FBN2: variants seen among roughly 807,000 people sequenced by gnomAD.
FBN2 encodes the protein fibrillin 2, also known as fibrillin-2.
In FBN2, 105 loss-of-function variants were observed where a neutral mutation model predicts 355.6. The observed-to-expected ratio is 0.30, with a 90% CI of 0.25 to 0.35. The LOEUF (loss-of-function observed/expected upper bound fraction) is 0.35, where lower values mean the gene tolerates loss of function less well. FBN2 is among the 10% of genes least tolerant of loss of function. The pLI is 1.00. For missense variants in FBN2, 3,280 were observed against 3,758.7 expected (o/e 0.87, Z 3.33); for synonymous variants, 1,350 against 1,301.2 (o/e 1.04, Z -0.81).
intron 11 of FBN2, among the ~76,000 whole-genome samples, chr5:128,379,525 G>C (rs1321937263): frequency 1.3e-5 from 2 of 151,950 alleles, no homozygotes; most frequent in African/African-American, 4.8e-5. Context: ...TCTTAAAATT[G>C]GCACAGTGAT....
At chr5:128,333,681 C>A (rs201601446) in intron 31 of FBN2, among the ~76,000 whole-genome samples, 2 of 148,868 alleles carry the variant, frequency 1.3e-5, no homozygotes, top group Non-Finnish European at 3.0e-5. Flanking sequence ...TGTGTGTGTG[C>A]GTGTGTGTGT....
chr5:128,323,261 C>T (rs963721526), intron 34 of FBN2, among the ~76,000 whole-genome samples: 9 of 152,122 alleles, frequency 5.9e-5, no homozygotes, highest in Non-Finnish European at 1.0e-4. Context: ...CTTTCTCTTG[C>T]CTGATTGCCC....
chr5:128,279,536 A>T (rs1765480812), intron 56 of FBN2, among the ~76,000 whole-genome samples: 2 of 152,146 alleles, frequency 1.3e-5, no homozygotes, highest in South Asian at 4.1e-4. Context: ...TTGGAATTTG[A>T]AGCATATGAC....
At chr5:128,534,910 G>A (rs1369009829) in intron 2 of FBN2, among the ~76,000 whole-genome samples, 1 of 152,094 alleles carries the variant, frequency 6.6e-6, no homozygotes, top group East Asian at 1.9e-4. Flanking sequence ...CAGACTTTCC[G>A]CCGTGCCTAA....
At chr5:128,377,185 C>G (rs1752101221) in intron 13 of FBN2, among the ~76,000 whole-genome samples, 6 of 152,104 alleles carry the variant, frequency 3.9e-5, no homozygotes, top group Admixed American at 2.0e-4. Context: ...AAGGCAATGG[C>G]AGACCTCACT....
chr5:128,423,259 C>G (rs193252839), intron 7 of FBN2, among the ~76,000 whole-genome samples: 113 of 152,256 alleles, frequency 7.4e-4, no homozygotes, highest in African/African-American at 2.6e-3. Context: ...AGTCCGTTCT[C>G]ACACTGCTAA....
chr5:128,499,303 G>C (rs535203990), intron 5 of FBN2, among the ~76,000 whole-genome samples: 1 of 152,238 alleles, frequency 6.6e-6, no homozygotes, highest in South Asian at 2.1e-4. Flanking sequence ...AAATATTAGA[G>C]ATATTTTAAT....
At chr5:128,455,784 C>T (rs1561465763) in intron 6 of FBN2, among the ~76,000 whole-genome samples, 1 of 151,770 alleles carries the variant, frequency 6.6e-6, no homozygotes, top group African/African-American at 2.4e-5. Flanking sequence ...TTCCAGGGAA[C>T]TGTGCAACCC....
intron 48 of FBN2, among the ~76,000 whole-genome samples, chr5:128,297,506 T>A (rs1464705271): frequency 6.6e-6 from 1 of 152,202 alleles, no homozygotes; most frequent in East Asian, 1.9e-4. Context: ...ACTTGCTTTA[T>A]GAATCTGGGT....
intron 58 of FBN2, among the ~76,000 whole-genome samples, chr5:128,277,012 T>A (rs1321543167): frequency 6.6e-6 from 1 of 152,180 alleles, no homozygotes; most frequent in Non-Finnish European, 1.5e-5. Context: ...CCATATAACA[T>A]ACGGCGTTGA....
Position 128,414,057 on chromosome 5 carries a change from C to T in FBN2, c.953-5258G>A, listed in dbSNP as rs1753135731. 3.3e-5 allele frequency among the ~76,000 whole-genome samples: 5 copies of T among 152,240 alleles called. 1 individual carries two copies. The South Asian group carries it at 8.3e-4, about 25-fold the overall frequency. On this transcript the variant is annotated intron_variant, in intron 7 of 64. Transcript: ENST00000262464. ...CAATGGAAAATTGATGTCTGCTTTC[C>T]TCTTTTCAGATTTCAAAAGCATGGT...
chr5:128,276,652 G>A (rs115851775), intron 58 of FBN2, among the ~76,000 whole-genome samples: 1,740 of 152,192 alleles, frequency 0.011, 20 homozygotes, highest in Non-Finnish European at 0.02. Flanking sequence ...GACTCCATCC[G>A]GAGGCTCTCC....
chr5:128,483,985 T>C (rs1245996879), intron 5 of FBN2, among the ~76,000 whole-genome samples: 2 of 152,196 alleles, frequency 1.3e-5, no homozygotes, highest in African/African-American at 4.8e-5. Context: ...AAGTCTATGA[T>C]GGATTGGGCT....
Position 128,503,814 on chromosome 5 carries a change from C to G in FBN2, c.628+15459G>C, listed in dbSNP as rs372451860. 2.0e-5 allele frequency among the ~76,000 whole-genome samples: 3 copies of G among 152,236 alleles called. No homozygotes were observed. In the East Asian group the frequency reaches 5.8e-4, roughly 29 times the overall value. On this transcript the variant is annotated intron_variant, in intron 5 of 64. Transcript: ENST00000262464. ...AGAAATTTGCCCAAGTAATGAGGAA[C>G]CAAATGTTAATCCCCAAGACAATGG...
At chr5:128,331,828 G>A (rs1258463454) in intron 32 of FBN2, among the ~76,000 whole-genome samples, 2 of 152,154 alleles carry the variant, frequency 1.3e-5, no homozygotes, top group East Asian at 3.9e-4. Flanking sequence ...ATCAGAGGCA[G>A]GCTGTTTTGC....
chr5:128,367,144 A>G (rs1456429480), intron 16 of FBN2, among the ~76,000 whole-genome samples: 1 of 152,168 alleles, frequency 6.6e-6, no homozygotes, highest in Non-Finnish European at 1.5e-5. Flanking sequence ...TAATTATATC[A>G]CTAGGATAGT....
chr5:128,458,145 C>T (rs1561466941), intron 6 of FBN2, among the ~76,000 whole-genome samples: 4 of 151,610 alleles, frequency 2.6e-5, no homozygotes. Flanking sequence ...AAAAGGAAAG[C>T]AAAAAAATGC....
rs762566261 is a variant in FBN2 at position 128,259,803 on chromosome 5, G to A, written c.8391C>T (p.Val2797=). Residue 2797 remains valine (V), a synonymous_variant, in exon 65 of 65, where the codon GTC becomes GTT. Transcript: ENST00000262464. ...TCATGTTGACGGGGCTGTCCATGTC[G>A]ACACTCTCTAGGCTGATCTGTTCAA... ...TAVEQISLES[V]DMDSPVNMKF... 5.6e-6 allele frequency: 9 copies of A among 1,613,584 alleles called. No homozygotes were observed. In the East Asian group the frequency reaches 6.7e-5, roughly 12 times the overall value.
intron 5 of FBN2, among the ~76,000 whole-genome samples, chr5:128,505,491 A>G (rs1168421246): frequency 1.3e-5 from 2 of 152,178 alleles, no homozygotes; most frequent in Non-Finnish European, 2.9e-5. Context: ...TAAACATACA[A>G]TCAGCATCAT....
Sources: gnomAD v4.1 joint callset for allele counts (sites outside exome capture counted in the v4.1 genomes callset) on GRCh38, gnomAD v4.1.1 for gene constraint, MANE v1.5 for transcripts, NCBI Gene and HGNC (gene_info 2026-07-23, HGNC 2026-07-21) for gene names.